TET2: variants seen among roughly 807,000 people sequenced by gnomAD.
The protein encoded by TET2 is methylcytosine dioxygenase TET2.
In TET2, 299 loss-of-function variants were observed where a neutral mutation model predicts 142.9. The ratio of observed to expected loss-of-function variants is 2.09; its 90% CI spans 1.90 to 2.30. The LOEUF (loss-of-function observed/expected upper bound fraction) is 2.30. TET2 is among the 30% of genes most tolerant of loss of function. TET2 has a pLI of 0.00. For missense variants in TET2, 2,418 were observed against 2,378.0 expected (o/e 1.02, Z -0.35); for synonymous variants, 819 against 849.0 (o/e 0.96, Z 0.61).
In TET2 at chr4:105,275,342, CT is replaced by C; in HGVS notation, c.4834del (p.Ser1612LeufsTer4). On this transcript the variant is annotated frameshift_variant, in exon 11 of 11. Transcript: ENST00000380013. LOFTEE classifies it low-confidence loss of function (END_TRUNC). ...SSQAAGSYLN[S>X]SNPMNPYPGL... Reference sequence around the variant, plus strand: ...CAAGCTGCAGGTTCATATTTGAATTCTTCTAATCCCATGAACCCTTACCCTG... The same window carrying C: ...CAAGCTGCAGGTTCATATTTGAATTCTCTAATCCCATGAACCCTTACCCTG... 1.3e-6 allele frequency: 2 copies of C among 1,551,774 alleles called. No homozygotes were observed. Among genetic ancestry groups the C allele is most frequent in the Non-Finnish European group, 8.7e-7 (1 of 1,146,992 alleles).
chr4:105,224,500 G>T (rs1578651805), intron 2 of TET2, among the ~76,000 whole-genome samples: 1 of 152,262 alleles, frequency 6.6e-6, no homozygotes, highest in East Asian at 1.9e-4. Context: ...ATTATTTTCA[G>T]AGAGGCGGGA....
rs587778704 is a variant in TET2, at chr4:105,234,900, GAAC to G, written c.962_964del (p.Gln321del). On this transcript the variant is annotated inframe_deletion, in exon 3 of 11. Transcript: ENST00000380013. ...AAATACCTGTTCCTTTCAGAAACCA[GAAC>G]AACTACAACAACAAAAATCAGTTTT... The G allele has an allele frequency of 3.7e-6, 6 of 1,614,054 alleles. No individual in the cohort carries two copies. In the East Asian group the frequency reaches 1.3e-4, roughly 36 times the overall value.
At chr4:105,174,822 G>T (rs539513025) in intron 1 of TET2, among the ~76,000 whole-genome samples, 12 of 152,310 alleles carry the variant, frequency 7.9e-5, no homozygotes, top group African/African-American at 2.4e-4. Flanking sequence ...TTGGACTCAA[G>T]CCTGCTCTCA....
At chr4:105,266,660 G>A (rs545733593) in intron 8 of TET2, among the ~76,000 whole-genome samples, 13 of 151,666 alleles carry the variant, frequency 8.6e-5, no homozygotes, top group South Asian at 2.1e-4. Context: ...TACACTAGGC[G>A]GAATTAACAG....
chr4:105,252,602 A>G (rs189316398), intron 6 of TET2, among the ~76,000 whole-genome samples: 2 of 152,306 alleles, frequency 1.3e-5, no homozygotes, highest in African/African-American at 2.4e-5. Flanking sequence ...TTATTTTTTC[A>G]TTCACTTGAC....
At chr4:105,175,242 G>A (rs545541184) in intron 1 of TET2, among the ~76,000 whole-genome samples, 1 of 152,244 alleles carries the variant, frequency 6.6e-6, no homozygotes, top group East Asian at 1.9e-4. Context: ...AGCATCAGAA[G>A]CAGAGTCAAA....
At chr4:105,202,491 C>T (rs746134580) in intron 2 of TET2, 12 of 152,078 alleles carry the variant, frequency 7.9e-5, no homozygotes, top group Non-Finnish European at 1.6e-4. Context: ...ATCTGTAATT[C>T]GCAAATTTAT....
intron 5 of TET2, 90 bp from the exon 6 acceptor site, chr4:105,243,480 A>C: frequency 8.9e-7 from 1 of 1,121,646 alleles, no homozygotes; most frequent in Non-Finnish European, 1.3e-6. Flanking sequence ...TAAAATATAC[A>C]TACATAAGTG....
intron 2 of TET2, among the ~76,000 whole-genome samples, chr4:105,220,683 A>G (rs1727762599): frequency 6.6e-6 from 1 of 152,164 alleles, no homozygotes; most frequent in African/African-American, 2.4e-5. Flanking sequence ...TTGACTGGCT[A>G]TTGGACGCCC....
intron 3 of TET2, chr4:105,239,485 G>A (rs1578684922): frequency 4.2e-6 from 1 of 239,720 alleles, no homozygotes; most frequent in East Asian, 6.4e-5. Flanking sequence ...ATGTTATAGA[G>A]ACAGCTGCGC....
chr4:105,235,809 A>C lies in TET2; in HGVS notation c.1867A>C (p.Lys623Gln). 1.2e-6 allele frequency: 2 copies of C among 1,614,122 alleles called. No homozygotes were observed. The highest frequency in any genetic ancestry group is 1.7e-6 in the Non-Finnish European group (2 of 1,180,014). The change falls in exon 3 of 11, where the codon AAA (lysine) becomes CAA (glutamine). Residue 623 changes from lysine (K) to glutamine (Q), a missense_variant. Lys to Gln is a moderately conservative substitution (Grantham distance 53, BLOSUM62 1). Transcript: ENST00000380013. The part of the protein sequence containing the change: ...GGLPRQAYTQ[K>Q]TTQLEHKSQM... Reference sequence around the variant, plus strand: ...GCTCCCAAGGCAAGCTTACACCCAGAAAACAACACAGCTGGAGCACAAGTC... The same window carrying C: ...GCTCCCAAGGCAAGCTTACACCCAGCAAACAACACAGCTGGAGCACAAGTC...
At position 105,234,344 on chromosome 4, in the gene TET2, T is replaced by C; in HGVS notation, c.402T>C (p.Gly134=). The C allele has an allele frequency of 2.5e-6, 4 of 1,614,006 alleles. No individual in the cohort carries two copies. Among genetic ancestry groups the C allele is most frequent in the Non-Finnish European group, 3.4e-6 (4 of 1,179,992 alleles). The change falls in exon 3 of 11, where the codon GGT becomes GGC. Residue 134 remains glycine, a synonymous_variant. Transcript: ENST00000380013. ...GGGTAAGCCAAGAAAGAAATCCAGG[T>C]GAAAGCAGTCAACCAAATGTCTCCG... The part of the protein sequence containing the change: ...NFGVSQERNP[G]ESSQPNVSDL...
intron 2 of TET2, among the ~76,000 whole-genome samples, chr4:105,211,033 G>A (rs868094506): frequency 2.4e-4 from 36 of 152,130 alleles, no homozygotes; most frequent in Middle Eastern, 3.4e-3. Context: ...ACTTCTAGCC[G>A]CACCTCAAAA....
Position 105,275,165 on chromosome 4 carries a change from C to G in TET2, c.4655C>G (p.Pro1552Arg). 1 of 1,552,262 alleles carries G rather than the reference C, an allele frequency of 6.4e-7. No individual in the cohort carries two copies. Among genetic ancestry groups the G allele is most frequent in the Non-Finnish European group, 8.7e-7 (1 of 1,147,112 alleles). The change falls in exon 11 of 11, where the codon CCT becomes CGT. Residue 1552 changes from proline to arginine, a missense_variant. Coordinates refer to ENST00000380013, the MANE Select transcript of TET2 (RefSeq NM_001127208.3). ...QRPQQQQPHH[P>R]QTESVNSYSA... ...CCCCAGCAGCAGCAGCCACATCACC[C>G]TCAGACAGAGTCTGTCAACTCTTAT...
rs934502097 is a variant in TET2, at chr4:105,241,338, G to A, written c.3410-1G>A. The A allele has an allele frequency of 2.6e-6, 4 of 1,544,816 alleles. No homozygotes were observed. The highest frequency in any genetic ancestry group is 2.6e-6 in the Non-Finnish European group (3 of 1,143,662). On this transcript the variant is annotated splice_acceptor_variant, in intron 3 of 10. Transcript: ENST00000380013. LOFTEE classifies it high-confidence loss of function. Reference sequence around the variant, plus strand: ...ATAATAATCTTCTATTATCTCAACAGAGCAAATTATTGAAAAAGATGAAGG... The same window carrying A: ...ATAATAATCTTCTATTATCTCAACAAAGCAAATTATTGAAAAAGATGAAGG...
intron 1 of TET2, among the ~76,000 whole-genome samples, chr4:105,178,716 C>A (rs1192774196): frequency 6.6e-6 from 1 of 152,012 alleles, no homozygotes; most frequent in Non-Finnish European, 1.5e-5. Flanking sequence ...ATCAATTTTA[C>A]TGTAAAGTTT....
chr4:105,171,841 G>A (rs1724484598), intron 1 of TET2: 1 of 152,130 alleles, frequency 6.6e-6, no homozygotes, highest in African/African-American at 2.4e-5. Context: ...TCATATGCCT[G>A]CCTTTATCTG....
At chr4:105,230,066 G>T (rs371852043) in intron 2 of TET2, among the ~76,000 whole-genome samples, 1 of 151,940 alleles carries the variant, frequency 6.6e-6, no homozygotes, top group South Asian at 2.1e-4. Flanking sequence ...TTTTGAGACA[G>T]TGTCTCACTC....
At chr4:105,270,105 A>T (rs1217408952) in intron 9 of TET2, among the ~76,000 whole-genome samples, 1 of 152,142 alleles carries the variant, frequency 6.6e-6, no homozygotes, top group Non-Finnish European at 1.5e-5. Context: ...TCAAGATGAG[A>T]TTTAGGTAGG....
Sources: allele counts gnomAD v4.1 joint callset (sites outside exome capture counted in the v4.1 genomes callset), GRCh38; gene constraint gnomAD v4.1.1; transcripts MANE v1.5; gene names NCBI Gene and HGNC (gene_info 2026-07-23, HGNC 2026-07-21).